Variants in MACROD2 observed in about 807,000 individuals in gnomAD.
MACROD2 encodes mono-ADP ribosylhydrolase 2, also known as ADP-ribose glycohydrolase MACROD2.
In MACROD2, 36 loss-of-function variants were observed where a neutral mutation model predicts 70.4. The observed-to-expected ratio is 0.51, with a 90% CI of 0.39 to 0.68. The LOEUF (loss-of-function observed/expected upper bound fraction) is 0.68, where lower values mean the gene tolerates loss of function less well. Ranked by LOEUF, MACROD2 falls within the 30% of genes least tolerant of loss-of-function variation. The probability of loss-of-function intolerance (pLI) is 0.00; values close to 1 mark genes in which losing one functional copy is unlikely to be tolerated. For synonymous variants in MACROD2, 172 were observed against 178.8 expected (o/e 0.96, Z 0.30); for missense variants, 496 against 538.4 (o/e 0.92, Z 0.78).
chr20:13,997,211 G>C (rs887469596), intron 1 of MACROD2, among the ~76,000 whole-genome samples: 2 of 152,134 alleles, frequency 1.3e-5, no homozygotes, highest in Admixed American at 6.5e-5. Flanking sequence ...TTTATAGAGA[G>C]CTAACACTTC....
At chr20:15,907,005 A>G (rs1201020958) in intron 10 of MACROD2, among the ~76,000 whole-genome samples, 3 of 152,252 alleles carry the variant, frequency 2.0e-5, no homozygotes, top group Non-Finnish European at 4.4e-5. Flanking sequence ...AGGCACAATG[A>G]AACTAGGTAA....
At chr20:14,886,370 A>G (rs2073675894) in intron 5 of MACROD2, among the ~76,000 whole-genome samples, 1 of 152,182 alleles carries the variant, frequency 6.6e-6, no homozygotes, top group African/African-American at 2.4e-5. Context: ...CAGATAGGTG[A>G]TGGAGCCCTG....
intron 5 of MACROD2, among the ~76,000 whole-genome samples, chr20:15,151,217 A>G (rs1303774202): frequency 6.6e-6 from 1 of 152,046 alleles, no homozygotes; most frequent in East Asian, 1.9e-4. Flanking sequence ...GGTCCCACAG[A>G]GATGGGACGC....
rs76730087 is a variant in MACROD2 at position 14,346,122 on chromosome 20, A to T, written c.272-147357A>T. Reference sequence around the variant, plus strand: ...AAAAAAAAAAAAAAAAAAAAAAAAAAAAGTAAGAGAGCAATTCCCTTGTGA... The same window carrying T: ...AAAAAAAAAAAAAAAAAAAAAAAAATAAGTAAGAGAGCAATTCCCTTGTGA... On this transcript the variant is annotated intron_variant, in intron 3 of 17. Transcript: ENST00000684519. 7.5e-5 allele frequency among the ~76,000 whole-genome samples: 11 copies of T among 146,934 alleles called. No homozygotes were observed. The East Asian group carries it at 1.8e-3, about 24-fold the overall frequency.
intron 4 of MACROD2, among the ~76,000 whole-genome samples, chr20:14,500,557 G>A (rs1169599295): frequency 2.0e-5 from 3 of 152,156 alleles, no homozygotes; most frequent in Non-Finnish European, 2.9e-5. Flanking sequence ...GATGCTCTTC[G>A]TGGTAGAGGA....
chr20:14,349,464 G>A (rs912438685), intron 3 of MACROD2, among the ~76,000 whole-genome samples: 3 of 149,506 alleles, frequency 2.0e-5, no homozygotes, highest in Admixed American at 6.7e-5. Context: ...TATCAAATAT[G>A]AGGTATTATT....
intron 4 of MACROD2, among the ~76,000 whole-genome samples, chr20:14,664,801 T>C (rs2070719312): frequency 6.6e-6 from 1 of 151,636 alleles, no homozygotes; most frequent in South Asian, 2.1e-4. Flanking sequence ...AAAAAACTTT[T>C]CATGTTACAA....
intron 5 of MACROD2, among the ~76,000 whole-genome samples, chr20:14,898,483 C>T (rs1320885461): frequency 6.6e-6 from 1 of 152,176 alleles, no homozygotes; most frequent in Non-Finnish European, 1.5e-5. Flanking sequence ...AATCCCAGCA[C>T]TTTGGGAGGC....
intron 5 of MACROD2, among the ~76,000 whole-genome samples, chr20:15,213,898 C>A (rs912486185): frequency 1.4e-5 from 2 of 146,116 alleles, no homozygotes; most frequent in Non-Finnish European, 3.0e-5. Flanking sequence ...TTTCTGTTTT[C>A]TTTTTTTTTT....
intron 10 of MACROD2, among the ~76,000 whole-genome samples, chr20:15,925,251 T>A (rs1244591070): frequency 6.6e-6 from 1 of 152,234 alleles, no homozygotes; most frequent in East Asian, 1.9e-4. Context: ...TCTCATTTGT[T>A]AGTTACTTTT....
intron 3 of MACROD2, among the ~76,000 whole-genome samples, chr20:14,125,166 C>CT (rs1458856159): frequency 3.9e-5 from 6 of 152,038 alleles, no homozygotes; most frequent in African/African-American, 1.4e-4. Flanking sequence ...TAGGGAGTGA[C>CT]TGTTTAATGG....
intron 7 of MACROD2, among the ~76,000 whole-genome samples, chr20:15,495,494 C>A (rs1055279517): frequency 9.9e-5 from 15 of 152,204 alleles, no homozygotes; most frequent in African/African-American, 3.4e-4. Flanking sequence ...ATATAACAAT[C>A]TGTTGAGTAC....
chr20:14,635,083 G>A lies in MACROD2; in HGVS notation c.302-49760G>A, dbSNP rs375782859. ...AGGTGGTGTGGCCTGTGTCTTCAAG[G>A]AGCGGTGTCCCTATAGTTGTCAGAA... is the stretch of plus-strand genomic sequence containing the variant. On this transcript the variant is annotated intron_variant, in intron 4 of 17. Coordinates refer to ENST00000684519, the MANE Select transcript of MACROD2 (RefSeq NM_001351661.2). Among the ~76,000 whole-genome samples the A allele has an allele frequency of 1.1e-4, 16 of 152,306 alleles. 1 individual carries two copies. The East Asian group carries it at 2.3e-3, about 22-fold the overall frequency.
At chr20:15,942,298 G>T (rs2065761814) in intron 12 of MACROD2, among the ~76,000 whole-genome samples, 1 of 152,176 alleles carries the variant, frequency 6.6e-6, no homozygotes, top group African/African-American at 2.4e-5. Context: ...AAGCCATAGG[G>T]TGGGCAGGAG....
At chr20:14,558,406 A>G (rs1310132836) in intron 4 of MACROD2, among the ~76,000 whole-genome samples, 1 of 151,792 alleles carries the variant, frequency 6.6e-6, no homozygotes, top group African/African-American at 2.4e-5. Flanking sequence ...TTTTGACATA[A>G]TAGATAAAAA....
At chr20:14,083,378 G>C (rs894871047) in intron 2 of MACROD2, among the ~76,000 whole-genome samples, 1 of 150,416 alleles carries the variant, frequency 6.6e-6, no homozygotes, top group African/African-American at 2.4e-5. Flanking sequence ...AGCTGAGACT[G>C]TGCCATTGCA....
At chr20:15,720,420 T>A (rs892142755) in intron 8 of MACROD2, among the ~76,000 whole-genome samples, 1 of 152,196 alleles carries the variant, frequency 6.6e-6, no homozygotes, top group Non-Finnish European at 1.5e-5. Context: ...TTTTTAAAAA[T>A]TTTACATATC....
At chr20:14,666,150 A>C (rs2070734536) in intron 4 of MACROD2, among the ~76,000 whole-genome samples, 1 of 152,130 alleles carries the variant, frequency 6.6e-6, no homozygotes, top group African/African-American at 2.4e-5. Context: ...GATAAGAAGC[A>C]AATATGCTTT....
intron 6 of MACROD2, among the ~76,000 whole-genome samples, chr20:15,247,402 G>T (rs1032706347): frequency 1.1e-4 from 16 of 152,154 alleles, no homozygotes; most frequent in African/African-American, 3.6e-4. Flanking sequence ...GTAATTGGGG[G>T]TGTCACATGG....
Sources: gnomAD v4.1 joint callset for allele counts (sites outside exome capture counted in the v4.1 genomes callset) on GRCh38, gnomAD v4.1.1 for gene constraint, MANE v1.5 for transcripts, NCBI Gene and HGNC (gene_info 2026-07-23, HGNC 2026-07-21) for gene names.